PRIM2: variants seen among roughly 807,000 people sequenced by gnomAD.
The protein encoded by PRIM2 is DNA primase large subunit.
A neutral mutation model predicts 67.3 loss-of-function variants in PRIM2; 39 were observed. The observed-to-expected ratio is 0.58, with a 90% CI of 0.45 to 0.76. PRIM2 has a LOEUF of 0.76. Among genes scored for constraint, PRIM2 ranks in the 30% least tolerant of loss-of-function variants. The pLI is 0.00. For missense variants in PRIM2, 398 were observed against 598.7 expected, an observed-to-expected ratio of 0.66 and a Z score of 3.50; for synonymous variants, 143 against 198.7, an observed-to-expected ratio of 0.72 and a Z score of 2.36.
At chr6:57,397,736 G>C (rs1770565869) in intron 7 of PRIM2, among the ~76,000 whole-genome samples, 1 of 151,664 alleles carries the variant, frequency 6.6e-6, no homozygotes, top group Non-Finnish European at 1.5e-5. Context: ...TCAACTCCTG[G>C]GTTTGTTGGT....
chr6:57,423,979 T>C (rs1771543334), intron 7 of PRIM2, among the ~76,000 whole-genome samples: 2 of 152,348 alleles, frequency 1.3e-5, no homozygotes, highest in South Asian at 2.1e-4. Context: ...ACCCTATTTC[T>C]TGGAATGACA....
intron 7 of PRIM2, among the ~76,000 whole-genome samples, chr6:57,453,799 C>T (rs1361443268): frequency 6.6e-6 from 1 of 151,958 alleles, no homozygotes; most frequent in Non-Finnish European, 1.5e-5. Flanking sequence ...GCCTGATTGC[C>T]CTGGCCAGAA....
chr6:57,532,611 A>T (rs1774915760), intron 9 of PRIM2, 128 bp downstream of exon 9: 1 of 410,420 alleles, frequency 2.4e-6, no homozygotes, highest in African/African-American at 2.0e-5. Context: ...TTTAAAGAAA[A>T]TCCCATGTCC....
Position 57,521,367 on chromosome 6 carries a change from GTTTT to G in PRIM2, c.762-11021_762-11018del, listed in dbSNP as rs1163114437. Among the ~76,000 whole-genome samples, 361 of 97,960 alleles carry G rather than the reference GTTTT, an allele frequency of 3.7e-3. 3 individuals carry two copies. Among genetic ancestry groups the G allele is most frequent in the Middle Eastern group, 0.02 (2 of 102 alleles). 64.3% of individuals were successfully genotyped at this position (97,960 alleles called of 152,430 possible). On this transcript the variant is annotated intron_variant, in intron 8 of 13. Transcript: ENST00000615550. ...GAGTGGCTTAGTTTATGTGGTTAGG[GTTTT>G]TTTTTTTTTTTTTTTTTTTTTTAAC...
chr6:57,491,309 T>C (rs1393582982), intron 7 of PRIM2, among the ~76,000 whole-genome samples: 2 of 152,232 alleles, frequency 1.3e-5, no homozygotes, highest in African/African-American at 4.8e-5. Context: ...ATATAACGTA[T>C]AATTCAAAAC....
chr6:57,311,874 A>G (rs1313674564), upstream of PRIM2, among the ~76,000 whole-genome samples: 1 of 152,004 alleles, frequency 6.6e-6, no homozygotes, highest in African/African-American at 2.4e-5. Flanking sequence ...CAAAAATACA[A>G]AAACCAGTCA....
intron 12 of PRIM2, among the ~76,000 whole-genome samples, chr6:57,626,848 A>G (rs1776956938): frequency 6.6e-6 from 1 of 150,870 alleles, no homozygotes; most frequent in South Asian, 2.1e-4. Flanking sequence ...CTGGTCTTGA[A>G]CTCCTGGACT....
At chr6:57,374,303 A>ATTTTTTATTTT (rs1554331465) in intron 5 of PRIM2, among the ~76,000 whole-genome samples, 1 of 139,884 alleles carries the variant, frequency 7.1e-6, no homozygotes, top group African/African-American at 2.6e-5. Flanking sequence ...TTATTTATTT[A>ATTTTTTATTTT]TTTTTTTTGA....
intron 13 of PRIM2, among the ~76,000 whole-genome samples, chr6:57,634,498 A>G (rs1777087389): frequency 6.6e-6 from 1 of 152,232 alleles, no homozygotes; most frequent in Non-Finnish European, 1.5e-5. Context: ...GGTTTATATG[A>G]CTCGCTCTCT....
intron 7 of PRIM2, among the ~76,000 whole-genome samples, chr6:57,405,203 ACT>A (rs1248300643): frequency 3.3e-5 from 5 of 152,256 alleles, no homozygotes; most frequent in African/African-American, 1.2e-4. Flanking sequence ...TGACACGTCT[ACT>A]CTCATACAGC....
intron 6 of PRIM2, among the ~76,000 whole-genome samples, chr6:57,381,774 G>T (rs954959524): frequency 6.6e-6 from 1 of 152,128 alleles, no homozygotes; most frequent in Non-Finnish European, 1.5e-5. Context: ...AGAGGTTAAG[G>T]AATAAAAGTA....
intron 11 of PRIM2, among the ~76,000 whole-genome samples, chr6:57,601,469 G>T (rs1488280910): frequency 6.6e-6 from 1 of 152,252 alleles, no homozygotes; most frequent in African/African-American, 2.4e-5. Context: ...AGTTCTCACT[G>T]TCTTCCTTCC....
At chr6:57,266,062 A>G in the PRIM2 span, among the ~76,000 whole-genome samples, 1 of 152,216 alleles carries the variant, frequency 6.6e-6, no homozygotes, top group Non-Finnish European at 1.5e-5. Context: ...GCTATTTATA[A>G]AGAGCTTGAA....
intron 7 of PRIM2, among the ~76,000 whole-genome samples, chr6:57,405,289 G>T (rs1426924325): frequency 2.0e-5 from 3 of 152,260 alleles, no homozygotes; most frequent in African/African-American, 7.2e-5. Context: ...TTGCACAGGG[G>T]AGCTGGGCAT....
chr6:57,339,890 A>C (rs1026476101), intron 5 of PRIM2, among the ~76,000 whole-genome samples: 3 of 150,986 alleles, frequency 2.0e-5, no homozygotes, highest in Non-Finnish European at 4.5e-5. Context: ...TCTGCACAGC[A>C]AAAGAAACTA....
chr6:57,490,683 G>A (rs1773868182), intron 7 of PRIM2, among the ~76,000 whole-genome samples: 1 of 152,184 alleles, frequency 6.6e-6, no homozygotes, highest in Non-Finnish European at 1.5e-5. Flanking sequence ...AGATAAATAG[G>A]ATGGATATAG....
At chr6:57,287,178 G>A in the PRIM2 span, among the ~76,000 whole-genome samples, 79,103 of 152,046 alleles carry the variant, frequency 0.52, 21,131 homozygotes, top group East Asian at 0.63. Flanking sequence ...AATTAGTTCA[G>A]CCATTGTGGA....
chr6:57,437,451 A>G (rs1772047817), intron 7 of PRIM2, among the ~76,000 whole-genome samples: 3 of 152,052 alleles, frequency 2.0e-5, no homozygotes, highest in Non-Finnish European at 2.9e-5. Flanking sequence ...TGGGCTCTCT[A>G]TGTGCTCCTG....
chr6:57,321,498 T>G (rs879303635), intron 3 of PRIM2, among the ~76,000 whole-genome samples: 2 of 151,450 alleles, frequency 1.3e-5, no homozygotes, highest in Non-Finnish European at 2.9e-5. Flanking sequence ...GAGATGACAG[T>G]GGAAGTTAAG....
Sources: gnomAD v4.1 joint callset for allele counts (sites outside exome capture counted in the v4.1 genomes callset) on GRCh38, gnomAD v4.1.1 for gene constraint, MANE v1.5 for transcripts, NCBI Gene and HGNC (gene_info 2026-07-23, HGNC 2026-07-21) for gene names.